The following BTBD8 variants were observed in gnomAD, a reference collection of about 807,000 sequenced individuals.
BTBD8 encodes the protein BTB/POZ domain-containing protein 8.
A neutral mutation model predicts 162.9 loss-of-function variants in BTBD8; 110 were observed. That is an observed-to-expected ratio of 0.68 (90% CI 0.58 to 0.79). The LOEUF (loss-of-function observed/expected upper bound fraction) is 0.79, where lower values mean the gene tolerates loss of function less well. Among genes scored for constraint, BTBD8 ranks in the 30% least tolerant of loss-of-function variants. The probability of loss-of-function intolerance (pLI) is 0.00; values close to 1 mark genes in which losing one functional copy is unlikely to be tolerated. For missense variants in BTBD8, 1,905 were observed against 2,085.4 expected (o/e 0.91, Z 1.68); for synonymous variants, 667 against 716.1 (o/e 0.93, Z 1.10).
rs558397697 is a variant in BTBD8, at chr1:92,164,761, A to G, written c.1123-2197A>G. ...ACTGCAAGCTCTGCCTCCCGGGTTC[A>G]TGCCATCCTTCTACCTCAGCTTCCC... On this transcript the variant is annotated intron_variant, in intron 9 of 17. Transcript: ENST00000636805. Among the ~76,000 whole-genome samples the G allele has an allele frequency of 2.7e-5, 4 of 150,566 alleles. 1 individual carries two copies. In the South Asian group the frequency reaches 6.3e-4, roughly 24 times the overall value.
chr1:92,158,958 T>C (rs1650223137), intron 9 of BTBD8, among the ~76,000 whole-genome samples: 1 of 152,088 alleles, frequency 6.6e-6, no homozygotes, highest in Non-Finnish European at 1.5e-5. Context: ...GGTTTCACCA[T>C]GTTGCCTAGG....
Position 92,081,172 on chromosome 1 carries a change from G to C in BTBD8, c.149+452G>C, listed in dbSNP as rs56758680. ...CTATAGTCTTGGAGGTCTCTTCTGA[G>C]GTCTCTTTAAACAATTTACCAGAAA... On this transcript the variant is annotated intron_variant, in intron 1 of 17. Transcript: ENST00000636805. Among the ~76,000 whole-genome samples, 3 of 152,238 alleles carry C rather than the reference G, an allele frequency of 2.0e-5. No individual in the cohort carries two copies. The East Asian group carries it at 5.8e-4, about 29-fold the overall frequency.
At chr1:92,093,660 A>G (rs1648375126) in intron 2 of BTBD8, among the ~76,000 whole-genome samples, 1 of 152,162 alleles carries the variant, frequency 6.6e-6, no homozygotes, top group South Asian at 2.1e-4. Context: ...TAATTCTTAT[A>G]GTGGTGTTGT....
intron 4 of BTBD8, among the ~76,000 whole-genome samples, chr1:92,128,797 A>T (rs1649433006): frequency 6.6e-6 from 1 of 152,038 alleles, no homozygotes; most frequent in Admixed American, 6.6e-5. Context: ...TAATGTAGGG[A>T]TATATTTGGG....
At chr1:92,102,764 T>G (rs1027420750) in intron 3 of BTBD8, 95 bp downstream of exon 3, 2 of 1,181,602 alleles carry the variant, frequency 1.7e-6, no homozygotes, top group Non-Finnish European at 1.1e-6. Context: ...TATGCTTTAC[T>G]GATTTTTTTT....
intron 12 of BTBD8, 114 bp downstream of exon 12, chr1:92,169,109 A>C: frequency 9.9e-7 from 1 of 1,009,316 alleles, no homozygotes; most frequent in South Asian, 2.3e-5. Context: ...CTGTTGGATA[A>C]TAGGATAACT....
intron 5 of BTBD8, among the ~76,000 whole-genome samples, chr1:92,136,774 C>A (rs1052355536): frequency 2.0e-5 from 3 of 152,164 alleles, no homozygotes; most frequent in Admixed American, 6.6e-5. Flanking sequence ...TGATCTTGGG[C>A]AATTTACTTA....
chr1:92,096,813 C>T (rs1648465209), intron 2 of BTBD8, among the ~76,000 whole-genome samples: 1 of 152,150 alleles, frequency 6.6e-6, no homozygotes, highest in Non-Finnish European at 1.5e-5. Context: ...GCTGAGATTA[C>T]AGGTATGAGC....
intron 1 of BTBD8, among the ~76,000 whole-genome samples, chr1:92,081,722 C>T (rs1427179202): frequency 1.3e-5 from 2 of 152,122 alleles, no homozygotes; most frequent in Non-Finnish European, 2.9e-5. Context: ...TACAGGCACG[C>T]GCCACCACGC....
chr1:92,167,707 C>A, intron 10 of BTBD8, 141 bp from the exon 11 acceptor site: 1 of 605,222 alleles, frequency 1.7e-6, no homozygotes, highest in African/African-American at 1.9e-5. Context: ...TGCATATATG[C>A]GAATTTTTTA....
At chr1:92,100,434 A>G (rs914217667) in intron 2 of BTBD8, among the ~76,000 whole-genome samples, 8 of 152,220 alleles carry the variant, frequency 5.3e-5, no homozygotes, top group Admixed American at 3.3e-4. Context: ...CTACCAGTCA[A>G]GCTATCTGGT....
chr1:92,148,484 A>C (rs780570266), intron 9 of BTBD8, among the ~76,000 whole-genome samples: 1 of 152,208 alleles, frequency 6.6e-6, no homozygotes, highest in Non-Finnish European at 1.5e-5. Context: ...TTGAAGACTC[A>C]GTTACAGTGC....
chr1:92,085,959 C>A (rs551267962), intron 1 of BTBD8, among the ~76,000 whole-genome samples: 2 of 152,142 alleles, frequency 1.3e-5, no homozygotes, highest in African/African-American at 2.4e-5. Context: ...TGGAAGCCCA[C>A]GCTGTTTATT....
At chr1:92,166,635 G>A (rs1418177889) in intron 9 of BTBD8, among the ~76,000 whole-genome samples, 4 of 151,658 alleles carry the variant, frequency 2.6e-5, no homozygotes, top group Non-Finnish European at 4.4e-5. Context: ...ATGTTGGCCA[G>A]GCTGAGCTTG....
intron 11 of BTBD8, 36 bp downstream of exon 11, chr1:92,168,021 A>G (rs778659008): frequency 3.4e-6 from 5 of 1,485,546 alleles, no homozygotes; most frequent in Non-Finnish European, 4.5e-6. Context: ...AAATAATGCA[A>G]TATTTGAACT....
intron 16 of BTBD8, 72 bp from the exon 17 acceptor site, chr1:92,180,193 C>A: frequency 8.9e-7 from 1 of 1,120,756 alleles, no homozygotes; most frequent in East Asian, 2.7e-5. Flanking sequence ...AATTTTAAAA[C>A]AAATTACTAA....
At chr1:92,087,040 C>G (rs1218267553) in intron 1 of BTBD8, among the ~76,000 whole-genome samples, 2 of 152,158 alleles carry the variant, frequency 1.3e-5, no homozygotes, top group African/African-American at 4.8e-5. Context: ...CTGGACTTTA[C>G]TATTCGATGG....
chr1:92,131,807 C>G (rs1367526711), intron 5 of BTBD8, among the ~76,000 whole-genome samples: 2 of 151,982 alleles, frequency 1.3e-5, no homozygotes, highest in East Asian at 3.9e-4. Flanking sequence ...CATAGGGCCT[C>G]AAGTGATCCT....
Position 92,102,533 on chromosome 1 carries a change from G to C in BTBD8, c.408G>C (p.Lys136Asn). ...ATGAAGAGGAAATTCTTAGGAAAAAGATAATGGAGATTGGGATATCACAAA... is the reference window on the plus strand; with the variant it reads ...ATGAAGAGGAAATTCTTAGGAAAAACATAATGGAGATTGGGATATCACAAA... Reference protein sequence around the residue: ...KNYEEEILRKKIMEIGISQKQ... With the variant: ...KNYEEEILRKNIMEIGISQKQ... Residue 136 changes from lysine to asparagine, a missense_variant, in exon 3 of 18, where the codon AAG becomes AAC. Coordinates refer to ENST00000636805, the MANE Select transcript of BTBD8 (RefSeq NM_001376131.1). The C allele has an allele frequency of 6.3e-7, 1 of 1,582,642 alleles. No individual in the cohort carries two copies. The highest frequency in any genetic ancestry group is 8.6e-7 in the Non-Finnish European group (1 of 1,165,514).
Sources: allele counts gnomAD v4.1 joint callset (sites outside exome capture counted in the v4.1 genomes callset), GRCh38; gene constraint gnomAD v4.1.1; transcripts MANE v1.5; gene names NCBI Gene and HGNC (gene_info 2026-07-23, HGNC 2026-07-21).